OSBPL8: variants seen among roughly 807,000 people sequenced by gnomAD.
OSBPL8 encodes the protein oxysterol binding protein like 8.
OSBPL8 carries 59 observed loss-of-function variants against 125.5 expected under a neutral mutation model. That is an observed-to-expected ratio of 0.47 (90% confidence interval 0.38 to 0.58). The LOEUF is 0.58. Ranked by LOEUF, OSBPL8 falls within the 20% of genes least tolerant of loss-of-function variation. OSBPL8 has a pLI of 0.00. For synonymous variants in OSBPL8, 330 were observed against 338.9 expected (o/e 0.97, Z 0.29); for missense variants, 758 against 1,047.8 (o/e 0.72, Z 3.82).
At chr12:76,455,229 C>T (rs180831456) in intron 3 of OSBPL8, among the ~76,000 whole-genome samples, 2 of 149,808 alleles carry the variant, frequency 1.3e-5, no homozygotes, top group African/African-American at 2.5e-5. Context: ...GGCGACAGAG[C>T]GAGACTCTAT....
intron 4 of OSBPL8, among the ~76,000 whole-genome samples, chr12:76,435,780 G>A (rs548179943): frequency 6.6e-6 from 1 of 152,260 alleles, no homozygotes; most frequent in South Asian, 2.1e-4. Context: ...AGAGTCTATA[G>A]AACCTAAATC....
At chr12:76,537,725 A>G (rs1478001640) in intron 1 of OSBPL8, among the ~76,000 whole-genome samples, 1 of 152,084 alleles carries the variant, frequency 6.6e-6, no homozygotes, top group South Asian at 2.1e-4. Flanking sequence ...CCTGGTTAAC[A>G]TGGTAAAACC....
At chr12:76,404,383 A>C (rs1294865307) in intron 5 of OSBPL8, among the ~76,000 whole-genome samples, 7 of 152,224 alleles carry the variant, frequency 4.6e-5, no homozygotes, top group Admixed American at 4.6e-4. Context: ...TTAGCTTAAA[A>C]GTTAATGAAC....
intron 1 of OSBPL8, among the ~76,000 whole-genome samples, chr12:76,503,664 G>A (rs921272297): frequency 5.9e-5 from 9 of 151,860 alleles, no homozygotes; most frequent in East Asian, 1.9e-4. Context: ...TCAGCCTCCC[G>A]AGTAGCTGGG....
chr12:76,454,008 G>A (rs936605676), intron 3 of OSBPL8, among the ~76,000 whole-genome samples: 1 of 152,136 alleles, frequency 6.6e-6, no homozygotes, highest in African/African-American at 2.4e-5. Context: ...TTTATACTCA[G>A]TAAAATTAAC....
chr12:76,477,127 T>A (rs1217957865), intron 2 of OSBPL8, among the ~76,000 whole-genome samples: 1 of 152,176 alleles, frequency 6.6e-6, no homozygotes, highest in Non-Finnish European at 1.5e-5. Flanking sequence ...GTTCCTTTTG[T>A]CATATCAGGC....
In OSBPL8 at chr12:76,544,336, T is replaced by C. The variant is rs150990097; in HGVS notation, c.-68+15061A>G. On this transcript the variant is annotated intron_variant, in intron 1 of 23. Coordinates refer to ENST00000261183, the MANE Select transcript of OSBPL8 (RefSeq NM_020841.5). ...AGAAAGACTTGCCACCTTTTCCAAATACCAAATACCAAATCCATTCTCAAA... is the reference window on the plus strand; with the variant it reads ...AGAAAGACTTGCCACCTTTTCCAAACACCAAATACCAAATCCATTCTCAAA... Among the ~76,000 whole-genome samples, 507 of 152,288 alleles carry C rather than the reference T, an allele frequency of 3.3e-3. 3 individuals carry two copies. Among genetic ancestry groups the C allele is most frequent in the Middle Eastern group, 0.01 (3 of 294 alleles).
chr12:76,415,250 C>CTT (rs35128998), intron 4 of OSBPL8, among the ~76,000 whole-genome samples: 5 of 143,018 alleles, frequency 3.5e-5, no homozygotes, highest in African/African-American at 1.0e-4. Flanking sequence ...TTTTTCTTTC[C>CTT]TTTTTTTTTT....
chr12:76,361,325 A>G (rs951922507), intron 21 of OSBPL8, among the ~76,000 whole-genome samples: 38 of 152,172 alleles, frequency 2.5e-4, no homozygotes, highest in Admixed American at 2.5e-3. Flanking sequence ...AGTTCCCAAC[A>G]AGTTCCTCAT....
chr12:76,433,302 G>T (rs961368379), intron 4 of OSBPL8, among the ~76,000 whole-genome samples: 2 of 152,028 alleles, frequency 1.3e-5, no homozygotes, highest in South Asian at 2.1e-4. Context: ...GTTTGCAGAT[G>T]ACATAATCAT....
chr12:76,497,665 C>T (rs1879419184), intron 1 of OSBPL8, among the ~76,000 whole-genome samples: 1 of 152,150 alleles, frequency 6.6e-6, no homozygotes. Flanking sequence ...GTCCAAACAA[C>T]TTTTTTCTGA....
chr12:76,495,334 C>T (rs993813035), intron 1 of OSBPL8, among the ~76,000 whole-genome samples: 6 of 152,128 alleles, frequency 3.9e-5, no homozygotes, highest in South Asian at 2.1e-4. Flanking sequence ...AATATAATAG[C>T]GCAGCATCAT....
chr12:76,519,122 T>C (rs903129049), intron 1 of OSBPL8, among the ~76,000 whole-genome samples: 1 of 152,186 alleles, frequency 6.6e-6, no homozygotes, highest in African/African-American at 2.4e-5. Context: ...CTTTAAGTTA[T>C]TTGTTTGTTC....
intron 3 of OSBPL8, among the ~76,000 whole-genome samples, chr12:76,451,948 G>A (rs1285298827): frequency 3.9e-5 from 6 of 151,988 alleles, no homozygotes; most frequent in Non-Finnish European, 7.4e-5. Flanking sequence ...GCGAAACCCC[G>A]TCTCTACTAA....
rs540639905 is a variant in OSBPL8 at position 76,478,158 on chromosome 12, C to T, written c.42+9352G>A. 9.3e-4 allele frequency among the ~76,000 whole-genome samples: 142 copies of T among 151,958 alleles called. 1 individual carries two copies. Among genetic ancestry groups the T allele is most frequent in the Non-Finnish European group, 1.7e-3 (116 of 67,952 alleles). On this transcript the variant is annotated intron_variant, in intron 2 of 23. Coordinates refer to ENST00000261183, the MANE Select transcript of OSBPL8 (RefSeq NM_020841.5). ...CAGAGGCTTCAGTGAGCTGAGACTG[C>T]GCCTCTGCACTCCAGCCTAGGCAAC...
chr12:76,444,213 T>C (rs908115571), intron 4 of OSBPL8, among the ~76,000 whole-genome samples: 1 of 152,188 alleles, frequency 6.6e-6, no homozygotes, highest in Non-Finnish European at 1.5e-5. Context: ...TGAGAATAGA[T>C]GAAATTCTTA....
At chr12:76,534,548 T>C (rs1346564057) in intron 1 of OSBPL8, among the ~76,000 whole-genome samples, 1 of 152,170 alleles carries the variant, frequency 6.6e-6, no homozygotes. Context: ...TGCTTCTTCC[T>C]TAATATATAC....
chr12:76,389,207 G>A (rs118180604), intron 12 of OSBPL8, among the ~76,000 whole-genome samples: 2,854 of 152,258 alleles, frequency 0.019, 41 homozygotes, highest in Admixed American at 0.027. Flanking sequence ...GCAACTGGCA[G>A]GGCATTCTAG....
chr12:76,493,731 T>G (rs1338415708), intron 1 of OSBPL8, among the ~76,000 whole-genome samples: 1 of 152,210 alleles, frequency 6.6e-6, no homozygotes, highest in African/African-American at 2.4e-5. Flanking sequence ...GAGATTCCCA[T>G]GCCTGGGTGT....
Sources: gnomAD v4.1 joint callset for allele counts (sites outside exome capture counted in the v4.1 genomes callset) on GRCh38, gnomAD v4.1.1 for gene constraint, MANE v1.5 for transcripts, NCBI Gene and HGNC (gene_info 2026-07-23, HGNC 2026-07-21) for gene names.